The following WDR81 variants were observed in gnomAD, a reference collection of about 807,000 sequenced individuals.
WDR81 encodes WD repeat-containing protein 81.
Under a neutral mutation model 140.8 loss-of-function variants are expected in WDR81, and 92 were observed. The ratio of observed to expected loss-of-function variants is 0.65; its 90% confidence interval spans 0.55 to 0.78. WDR81 has a LOEUF of 0.78. Ranked by LOEUF, WDR81 falls within the 30% of genes least tolerant of loss-of-function variation. The pLI is 0.00. For synonymous variants in WDR81, 1,183 were observed against 1,156.4 expected (o/e 1.02, Z -0.47); for missense variants, 2,502 against 2,636.4 (o/e 0.95, Z 1.12).
chr17:1,733,934 C>T lies in WDR81; in HGVS notation c.4897C>T (p.His1633Tyr). 1 of 1,612,844 alleles carries T rather than the reference C, an allele frequency of 6.2e-7. No homozygotes were observed. The highest frequency in any genetic ancestry group is 8.5e-7 in the Non-Finnish European group (1 of 1,179,972). Residue 1633 changes from histidine (H) to tyrosine (Y), a missense_variant, in exon 7 of 10, where the codon CAC becomes TAC. Transcript: ENST00000409644. ...GATCGGCGTGAGCCAGCAGGATGCC[C>T]ACTTTCACTTCCACCAGATCCGCCT... is the stretch of plus-strand genomic sequence containing the variant. ...YEIGVSQQDA[H>Y]FHFHQIRLQS...
At chr17:1,719,011 A>C (rs989528786) in intron 1 of WDR81, among the ~76,000 whole-genome samples, 2 of 152,096 alleles carry the variant, frequency 1.3e-5, no homozygotes, top group African/African-American at 4.8e-5. Context: ...GTCAGTGGCA[A>C]CACCCACCCA....
In WDR81 at chr17:1,725,917, G is replaced by T; in HGVS notation, c.958G>T (p.Ala320Ser). 1 of 1,550,826 alleles carries T rather than the reference G, an allele frequency of 6.4e-7. No individual in the cohort carries two copies. The highest frequency in any genetic ancestry group is 1.2e-5 in the South Asian group (1 of 84,054). Residue 320 changes from alanine (A) to serine (S), a missense_variant, in exon 1 of 10, where the codon GCA becomes TCA. This residue lies in a region of WDR81 where 547 missense variants were observed against 513.8 expected (regional missense o/e 1.06). Coordinates refer to ENST00000409644, the MANE Select transcript of WDR81 (RefSeq NM_001163809.2). ...GGACGAGAATGAGGAGGCCCCTGTG[G>T]CAAGGGATGAGGCGGGCATTGTGTC... is the stretch of plus-strand genomic sequence containing the variant. Reference protein sequence around the residue: ...EEDENEEAPVARDEAGIVSQE... With the variant: ...EEDENEEAPVSRDEAGIVSQE...
In WDR81 at chr17:1,725,209, G is replaced by C. The variant is rs1265032412; in HGVS notation, c.250G>C (p.Glu84Gln). 6.5e-7 allele frequency: 1 copy of C among 1,538,476 alleles called. No homozygotes were observed. Among genetic ancestry groups the C allele is most frequent in the Non-Finnish European group, 8.7e-7 (1 of 1,146,782 alleles). ...GPCPRAEGLG[E>Q]AEVRTLLQRS... ...CTGTCCCCGCGCAGAGGGCCTGGGA[G>C]AAGCGGAAGTCAGGACTCTCCTGCA... The change falls in exon 1 of 10, where the codon GAA becomes CAA. Residue 84 changes from glutamate (E) to glutamine (Q), a missense_variant. Physicochemically the swap from Glu to Gln is conservative, Grantham distance 29. This residue lies in a region of WDR81 where 547 missense variants were observed against 513.8 expected (regional missense o/e 1.06). Coordinates refer to ENST00000409644, the MANE Select transcript of WDR81 (RefSeq NM_001163809.2).
chr17:1,717,521 C>T (rs1472780046), intron 1 of WDR81, among the ~76,000 whole-genome samples: 1 of 152,156 alleles, frequency 6.6e-6, no homozygotes, highest in Admixed American at 6.5e-5. Context: ...CTTGGAGCTC[C>T]AAAATTCTGA....
chr17:1,736,376 C>G (rs1211746496), intron 9 of WDR81, among the ~76,000 whole-genome samples, 158 bp downstream of exon 9: 1 of 152,166 alleles, frequency 6.6e-6, no homozygotes, highest in African/African-American at 2.4e-5. Flanking sequence ...CCCTCTCGGT[C>G]CACCTTGGGA....
In WDR81 at chr17:1,717,584, G is replaced by C. The variant is rs138171591; in HGVS notation, c.-124+951G>C. 7.9e-5 allele frequency among the ~76,000 whole-genome samples: 12 copies of C among 152,278 alleles called. No homozygotes were observed. In the East Asian group the frequency reaches 1.9e-3, roughly 24 times the overall value. On this transcript the variant is annotated intron_variant, in intron 1 of 10. Transcript: ENST00000309182. Reference sequence around the variant, plus strand: ...AGGAAACTTCCTGCCTTGCGCCCCAGTAACAGCTGATTGTTGGAAAGTGTG... The same window carrying C: ...AGGAAACTTCCTGCCTTGCGCCCCACTAACAGCTGATTGTTGGAAAGTGTG...
chr17:1,717,773 C>T (rs1367490157), intron 1 of WDR81, among the ~76,000 whole-genome samples: 1 of 152,212 alleles, frequency 6.6e-6, no homozygotes, highest in East Asian at 1.9e-4. Context: ...AACCCCAACC[C>T]CGCTCTGCTC....
chr17:1,716,607 C>G, exon 1 of WDR81: 1 of 1,551,480 alleles, frequency 6.4e-7, no homozygotes, highest in Non-Finnish European at 8.7e-7. Flanking sequence ...AGCCTGACAC[C>G]GTCGTTCCCA....
rs1324750091 is a variant in WDR81 at position 1,728,084 on chromosome 17, G to A, written c.3125G>A (p.Gly1042Asp). 6.3e-7 allele frequency: 1 copy of A among 1,595,888 alleles called. No individual in the cohort carries two copies. Among genetic ancestry groups the A allele is most frequent in the Non-Finnish European group, 8.5e-7 (1 of 1,171,908 alleles). Residue 1042 changes from glycine to aspartate, a missense_variant, in exon 1 of 10, where the codon GGC (glycine) becomes GAC (aspartate). By Grantham distance (94) the Gly-to-Asp change is moderately conservative. Coordinates refer to ENST00000409644, the MANE Select transcript of WDR81 (RefSeq NM_001163809.2). ...AGCGGGCTGCCCGGGGCCGGGCCTG[G>A]CTCCTGTGCTTTTGGGGAGGAGATT... ...EESGLPGAGP[G>D]SCAFGEEIPM...
Position 1,731,533 on chromosome 17 carries a change from A to T in WDR81, c.4157+275A>T, listed in dbSNP as rs141589490. Among the ~76,000 whole-genome samples the T allele has an allele frequency of 4.1e-4, 62 of 152,186 alleles. No individual in the cohort carries two copies. The East Asian group carries it at 0.011, about 27-fold the overall frequency. ...ATGCCTGTAATCCCAGCACTTTGAG[A>T]GGCTGAGGCGGGAAGATTGCTTGAG... On this transcript the variant is annotated intron_variant, in intron 4 of 9. Transcript: ENST00000409644.
Position 1,724,814 on chromosome 17 carries a change from G to A in WDR81, c.-146G>A. On this transcript the variant is annotated 5_prime_UTR_variant, in exon 1 of 10. Coordinates refer to ENST00000409644, the MANE Select transcript of WDR81 (RefSeq NM_001163809.2). ...AAGCGCGCCCCCCGTCCGCCTCTTC[G>A]CCGCCGCCGGCTTCCTGCGGCCGCC... 2 of 1,199,188 alleles carry A rather than the reference G, an allele frequency of 1.7e-6. No individual in the cohort carries two copies. Among genetic ancestry groups the A allele is most frequent in the African/African-American group, 3.2e-5 (2 of 63,160 alleles). 74.3% of individuals were successfully genotyped at this position (1,199,188 alleles called of 1,614,324 possible).
intron 1 of WDR81, 26 bp from the exon 2 acceptor site, chr17:1,730,354 G>C (rs1232189831): frequency 1.3e-6 from 2 of 1,591,970 alleles, no homozygotes; most frequent in African/African-American, 2.7e-5. Flanking sequence ...TATCTGAGGA[G>C]CTCAGGGCCT....
Position 1,737,726 on chromosome 17 carries a change from T to C in WDR81, c.*41T>C, listed in dbSNP as rs774669884. On this transcript the variant is annotated 3_prime_UTR_variant, in exon 10 of 10. Coordinates refer to ENST00000409644, the MANE Select transcript of WDR81 (RefSeq NM_001163809.2). ...GGCCGGGCAAGGGTGGGAAGACATC[T>C]GCGGGCGCGTGTCCACTCACCCTGT... 1.3e-6 allele frequency: 2 copies of C among 1,553,066 alleles called. No homozygotes were observed. Among genetic ancestry groups the C allele is most frequent in the East Asian group, 4.5e-5 (2 of 43,992 alleles).
At position 1,737,514 on chromosome 17, in the gene WDR81, C is replaced by T. The variant is rs375503371; in HGVS notation, c.5655C>T (p.Gly1885=). The change falls in exon 10 of 10, where the codon GGC becomes GGT. Residue 1885 remains glycine (G), a synonymous_variant. Coordinates refer to ENST00000409644, the MANE Select transcript of WDR81 (RefSeq NM_001163809.2). ...TGTACGGCAGCGAGGTGGTCACTGGCACCGTGTCCAACAAGATTGGCGTCT... is the reference window on the plus strand; with the variant it reads ...TGTACGGCAGCGAGGTGGTCACTGGTACCGTGTCCAACAAGATTGGCGTCT... The part of the protein sequence containing the change: ...FDLYGSEVVT[G]TVSNKIGVCS... The T allele has an allele frequency of 1.6e-4, 259 of 1,613,160 alleles. No homozygotes were observed. The highest frequency in any genetic ancestry group is 3.8e-4 in the East Asian group (17 of 44,890).
At position 1,737,607 on chromosome 17, in the gene WDR81, C is replaced by T. The variant is rs771965140; in HGVS notation, c.5748C>T (p.Leu1916=). Residue 1916 remains leucine (L), a synonymous_variant, in exon 10 of 10, where the codon CTC becomes CTT. Transcript: ENST00000409644. ...KLSSENFRGT[L]TSLALLPTKR... is the part of the protein sequence containing the mutation. ...GCTCTGAGAACTTCCGCGGCACGCT[C>T]ACCAGCCTGGCCTTGCTGCCCACTA... The T allele has an allele frequency of 1.7e-5, 27 of 1,612,686 alleles. No homozygotes were observed. Among genetic ancestry groups the T allele is most frequent in the South Asian group, 4.4e-5 (4 of 91,090 alleles).
chr17:1,732,349 G>GACCATCCTGTGTGTGAAA lies in WDR81; in HGVS notation c.4189_4206dup (p.Leu1397_Ile1402dup). 1 of 1,613,376 alleles carries GACCATCCTGTGTGTGAAA rather than the reference G, an allele frequency of 6.2e-7. No homozygotes were observed. The highest frequency in any genetic ancestry group is 8.5e-7 in the Non-Finnish European group (1 of 1,180,014). On this transcript the variant is annotated inframe_insertion, in exon 5 of 10. Transcript: ENST00000409644. ...GGTTCCCAAGTGGGGCCCAGGCTCG[G>GACCATCCTGTGTGTGAAA]ACCATCCTGTGTGTGAAAACCATCA...
At position 1,727,248 on chromosome 17, in the gene WDR81, G is replaced by C. The variant is rs1915344561; in HGVS notation, c.2289G>C (p.Leu763=). 1 of 1,550,220 alleles carries C rather than the reference G, an allele frequency of 6.5e-7. No individual in the cohort carries two copies. Among genetic ancestry groups the C allele is most frequent in the Non-Finnish European group, 8.7e-7 (1 of 1,146,982 alleles). The change falls in exon 1 of 10, where the codon CTG becomes CTC. Residue 763 remains leucine, a synonymous_variant. Transcript: ENST00000409644. ...EQPRVQPAVP[L]QCLLHRDMQA... Reference sequence around the variant, plus strand: ...CCCGGGTCCAGCCGGCTGTGCCACTGCAGTGCCTACTCCACAGGGACATGC... The same window carrying C: ...CCCGGGTCCAGCCGGCTGTGCCACTCCAGTGCCTACTCCACAGGGACATGC...
chr17:1,729,736 A>T (rs879372416), intron 1 of WDR81, among the ~76,000 whole-genome samples: 14 of 151,618 alleles, frequency 9.2e-5, no homozygotes, highest in African/African-American at 3.4e-4. Flanking sequence ...GCTGAGGCGG[A>T]TGGATCACAA....
chr17:1,733,278 G>C (rs1904525041), intron 6 of WDR81, among the ~76,000 whole-genome samples: 1 of 152,202 alleles, frequency 6.6e-6, no homozygotes, highest in African/African-American at 2.4e-5. Flanking sequence ...GGCACCACCT[G>C]TCTTGTTCCA....
Sources: allele counts gnomAD v4.1 joint callset (sites outside exome capture counted in the v4.1 genomes callset), GRCh38; gene constraint gnomAD v4.1.1; regional missense constraint gnomAD v4.1.1; transcripts MANE v1.5; gene names NCBI Gene and HGNC (gene_info 2026-07-23, HGNC 2026-07-21).